Variants in ACTN2 observed in about 807,000 individuals in gnomAD.
ACTN2 encodes the protein actinin alpha 2.
ACTN2 carries 39 observed loss-of-function variants against 113.8 expected under a neutral mutation model. The observed-to-expected ratio is 0.34, with a 90% confidence interval of 0.27 to 0.45. The LOEUF is 0.45. ACTN2 is among the 20% of genes least tolerant of loss of function. ACTN2 has a pLI of 1.00. For missense variants in ACTN2, 992 were observed against 1,177.9 expected, an observed-to-expected ratio of 0.84 and a Z score of 2.31; for synonymous variants, 429 against 444.1, an observed-to-expected ratio of 0.97 and a Z score of 0.43.
At chr1:236,715,466 A>G (rs1158420064) in intron 1 of ACTN2, among the ~76,000 whole-genome samples, 1 of 152,160 alleles carries the variant, frequency 6.6e-6, no homozygotes, top group Non-Finnish European at 1.5e-5. Context: ...AGTGTTGTCC[A>G]GTAGAATTTT....
rs1409480367 is a variant in ACTN2 at position 236,724,829 on chromosome 1, G to A, written c.449-1104G>A. ...TTTTATGGTCATCACAGATGGTGCT[G>A]GGTTTTTCCTTTTTTTTTTTTTTTT... On this transcript the variant is annotated intron_variant, in intron 4 of 20. Coordinates refer to ENST00000366578, the MANE Select transcript of ACTN2 (RefSeq NM_001103.4). Among the ~76,000 whole-genome samples the A allele has an allele frequency of 1.1e-4, 15 of 139,972 alleles. No individual in the cohort carries two copies. The Admixed American group carries it at 1.1e-3, about 10-fold the overall frequency. 91.8% of individuals were successfully genotyped at this position (139,972 alleles called of 152,430 possible).
chr1:236,703,625 A>T (rs1434430177), intron 1 of ACTN2, among the ~76,000 whole-genome samples: 7 of 151,108 alleles, frequency 4.6e-5, no homozygotes, highest in African/African-American at 1.5e-4. Flanking sequence ...CATCAGGATC[A>T]TTTGCTAACC....
chr1:236,726,236 G>A (rs1294275930), intron 5 of ACTN2, among the ~76,000 whole-genome samples: 1 of 152,214 alleles, frequency 6.6e-6, no homozygotes. Context: ...GTATTTGTAA[G>A]TGAATGGTAT....
intron 10 of ACTN2, 84 bp from the exon 11 acceptor site, chr1:236,742,812 G>C: frequency 6.5e-7 from 1 of 1,530,210 alleles, no homozygotes; most frequent in Non-Finnish European, 9.0e-7. Flanking sequence ...GTAGTGGAGG[G>C]ATTTATAGAA....
Position 236,686,782 on chromosome 1 carries a change from G to A in ACTN2, c.109G>A (p.Glu37Lys), listed in dbSNP as rs1313122387. 1 of 1,527,516 alleles carries A rather than the reference G, an allele frequency of 6.5e-7. No individual in the cohort carries two copies. Among genetic ancestry groups the A allele is most frequent in the Non-Finnish European group, 8.8e-7 (1 of 1,135,742 alleles). The allele number at this position is 1,527,516 out of a possible 1,614,324, so 94.6% of individuals were successfully genotyped here. Residue 37 changes from glutamate to lysine, a missense_variant, in exon 1 of 21, where the codon GAG becomes AAG. Around this residue, in one of 3 missense-constraint regions of ACTN2, gnomAD observed 220 missense variants for 337.5 expected, o/e 0.65. Transcript: ENST00000366578. Reference sequence around the variant, plus strand: ...CGACCTGCTCCTGGACCCAGCCTGGGAGAAGCAGCAGAGGAAGGTCAGCAG... The same window carrying A: ...CGACCTGCTCCTGGACCCAGCCTGGAAGAAGCAGCAGAGGAAGGTCAGCAG... ...DRDLLLDPAW[E>K]KQQRKTFTAW... is the part of the protein sequence containing the mutation.
chr1:236,753,435 T>C (rs1659460190), intron 15 of ACTN2, among the ~76,000 whole-genome samples: 1 of 152,162 alleles, frequency 6.6e-6, no homozygotes, highest in African/African-American at 2.4e-5. Context: ...TAGTATGGAA[T>C]GTCTATGATT....
chr1:236,702,998 C>G (rs1319387074), intron 1 of ACTN2, among the ~76,000 whole-genome samples: 1 of 152,136 alleles, frequency 6.6e-6, no homozygotes, highest in African/African-American at 2.4e-5. Context: ...CAAGCTGCTT[C>G]CCCAGTTGCC....
chr1:236,758,827 G>C lies in ACTN2; in HGVS notation c.2302-897G>C, dbSNP rs535782618. Among the ~76,000 whole-genome samples the C allele has an allele frequency of 5.9e-5, 9 of 151,994 alleles. No homozygotes were observed. In the East Asian group the frequency reaches 1.7e-3, roughly 30 times the overall value. On this transcript the variant is annotated intron_variant, in intron 18 of 20. Coordinates refer to ENST00000366578, the MANE Select transcript of ACTN2 (RefSeq NM_001103.4). The stretch of plus-strand genomic sequence containing the variant: ...CTAGAAACAGGGTTTTACTATGTTG[G>C]CCAGGCTGGTCTTGAACTCCTGACC...
intron 15 of ACTN2, among the ~76,000 whole-genome samples, chr1:236,753,594 T>C: frequency 6.6e-6 from 1 of 152,224 alleles, no homozygotes; most frequent in Non-Finnish European, 1.5e-5. Context: ...ACAAATCCTC[T>C]GTACTCTGGA....
chr1:236,754,042 A>C lies in ACTN2; in HGVS notation c.1935A>C (p.Gln645His). The change falls in exon 16 of 21, where the codon CAA (glutamine) becomes CAC (histidine). Residue 645 changes from glutamine (Q) to histidine (H), a missense_variant. Coordinates refer to ENST00000366578, the MANE Select transcript of ACTN2 (RefSeq NM_001103.4). This position sits in a 1 kb window ranked among gnomAD's most constrained non-coding sequence, Gnocchi z 4.9. ...NERLRRQFAA[Q>H]ANAIGPWIQN... is the part of the protein sequence containing the mutation. ...GTCTGAGGCGCCAGTTTGCTGCCCA[A>C]GCCAATGCCATTGGGCCCTGGATCC... The C allele has an allele frequency of 6.2e-7, 1 of 1,614,156 alleles. No homozygotes were observed. The highest frequency in any genetic ancestry group is 2.2e-5 in the East Asian group (1 of 44,872).
intron 1 of ACTN2, among the ~76,000 whole-genome samples, chr1:236,688,650 A>T (rs1665959658): frequency 1.3e-5 from 2 of 152,138 alleles, no homozygotes; most frequent in South Asian, 4.1e-4. Flanking sequence ...AATTTTTTTT[A>T]AGATAGTTTG....
intron 7 of ACTN2, chr1:236,734,460 A>T: frequency 6.5e-7 from 1 of 1,535,906 alleles, no homozygotes; most frequent in Non-Finnish European, 8.7e-7. Context: ...AGACCCGATG[A>T]AAGAGCCATA....
chr1:236,755,314 G>A, intron 17 of ACTN2, 116 bp downstream of exon 17: 2 of 1,209,990 alleles, frequency 1.7e-6, no homozygotes, highest in Non-Finnish European at 2.4e-6. Flanking sequence ...CTACAAGTAT[G>A]AAAGTTAGGG....
chr1:236,727,580 T>C, intron 5 of ACTN2, 98 bp from the exon 6 acceptor site: 2 of 1,296,618 alleles, frequency 1.5e-6, no homozygotes, highest in Non-Finnish European at 2.2e-6. Context: ...GTGCATGAAG[T>C]CAGACAGAAG....
intron 17 of ACTN2, among the ~76,000 whole-genome samples, chr1:236,755,510 C>T (rs567304963): frequency 4.2e-4 from 64 of 152,276 alleles, no homozygotes; most frequent in African/African-American, 1.5e-3. Flanking sequence ...AATTGATCTC[C>T]CTGGGAGCCA....
intron 1 of ACTN2, among the ~76,000 whole-genome samples, chr1:236,695,778 C>T (rs1657481220): frequency 6.6e-6 from 1 of 152,126 alleles, no homozygotes; most frequent in Non-Finnish European, 1.5e-5. Flanking sequence ...CTGGCATATG[C>T]AGTCTTCATA....
chr1:236,712,900 T>A (rs1240621454), intron 1 of ACTN2, among the ~76,000 whole-genome samples: 1 of 147,784 alleles, frequency 6.8e-6, no homozygotes, highest in Non-Finnish European at 1.5e-5. Flanking sequence ...TATCTCATTA[T>A]ATGTTCTCTC....
Position 236,743,011 on chromosome 1 carries a change from A to G in ACTN2, c.1223A>G (p.Gln408Arg). The G allele has an allele frequency of 6.2e-7, 1 of 1,614,242 alleles. No homozygotes were observed. The highest frequency in any genetic ancestry group is 8.5e-7 in the Non-Finnish European group (1 of 1,180,044). Residue 408 changes from glutamine to arginine, a missense_variant, in exon 11 of 21, where the codon CAG becomes CGG. Physicochemically the swap from Gln to Arg is conservative, Grantham distance 43. Transcript: ENST00000366578. ...RLEHLAEKFRQKASTHETWAY... is the reference protein window; with the variant it reads ...RLEHLAEKFRRKASTHETWAY... Reference sequence around the variant, plus strand: ...GAACACCTGGCTGAGAAGTTCAGGCAGAAGGCCTCAACGCACGAGACTTGG... The same window carrying G: ...GAACACCTGGCTGAGAAGTTCAGGCGGAAGGCCTCAACGCACGAGACTTGG...
intron 1 of ACTN2, among the ~76,000 whole-genome samples, chr1:236,702,176 C>T (rs953739400): frequency 2.0e-5 from 3 of 152,170 alleles, no homozygotes; most frequent in Non-Finnish European, 4.4e-5. Context: ...AAATTAACTT[C>T]AGAACGCTAG....
Sources: gnomAD v4.1 joint callset for allele counts (sites outside exome capture counted in the v4.1 genomes callset) on GRCh38, gnomAD v4.1.1 for gene constraint, gnomAD v4.1.1 regional missense constraint, Gnocchi (gnomAD v3.1) non-coding constraint, MANE v1.5 for transcripts, NCBI Gene and HGNC (gene_info 2026-07-23, HGNC 2026-07-21) for gene names.